AP1AR: variants seen among roughly 807,000 people sequenced by gnomAD.
AP1AR encodes AP-1 complex-associated regulatory protein.
AP1AR carries 29 observed loss-of-function variants against 46.3 expected under a neutral mutation model. The ratio of observed to expected loss-of-function variants is 0.63; its 90% CI spans 0.47 to 0.85. The LOEUF (loss-of-function observed/expected upper bound fraction) is 0.85, where lower values mean the gene tolerates loss of function less well. AP1AR is among the 40% of genes least tolerant of loss of function. The probability of loss-of-function intolerance (pLI) is 0.00; values close to 1 mark genes in which losing one functional copy is unlikely to be tolerated. For missense variants in AP1AR, 357 were observed against 356.3 expected, an observed-to-expected ratio of 1.00 and a Z score of -0.02; for synonymous variants, 122 against 122.9, an observed-to-expected ratio of 0.99 and a Z score of 0.05.
chr4:112,268,160 T>A lies in AP1AR; in HGVS notation c.660T>A (p.Leu220=). Reference sequence around the variant, plus strand: ...AAATCATAGGAATGAATAGAATGCTTCCAATGAGAGAACGTTCCAAAACAG... The same window carrying A: ...AAATCATAGGAATGAATAGAATGCTACCAATGAGAGAACGTTCCAAAACAG... ...WEDEEGMNRM[L]PMRERSKTEE... is the part of the protein sequence containing the mutation. Residue 220 remains leucine, a synonymous_variant, in exon 10 of 10, where the codon CTT becomes CTA. Transcript: ENST00000274000. 1 of 1,575,110 alleles carries A rather than the reference T, an allele frequency of 6.3e-7. No homozygotes were observed. The highest frequency in any genetic ancestry group is 8.6e-7 in the Non-Finnish European group (1 of 1,161,568).
At chr4:112,240,235 T>C (rs1725428913) in intron 1 of AP1AR, among the ~76,000 whole-genome samples, 1 of 152,220 alleles carries the variant, frequency 6.6e-6, no homozygotes, top group African/African-American at 2.4e-5. Flanking sequence ...TGTCACACTT[T>C]TCCTTGAATC....
chr4:112,245,561 C>T (rs1725693915), intron 1 of AP1AR, among the ~76,000 whole-genome samples: 1 of 152,196 alleles, frequency 6.6e-6, no homozygotes, highest in Non-Finnish European at 1.5e-5. Flanking sequence ...TTCAGACTAG[C>T]CACATTTCAG....
In AP1AR at chr4:112,232,080, G is replaced by C; in HGVS notation, c.-12G>C. On this transcript the variant is annotated 5_prime_UTR_variant, in exon 1 of 10. Transcript: ENST00000274000. ...AGGAGGAGGAGGAGCGGCGGCGCCT[G>C]GGCGGCATGCGATGGGGAACTGCTG... The C allele has an allele frequency of 7.4e-7, 1 of 1,351,854 alleles. No individual in the cohort carries two copies. Among genetic ancestry groups the C allele is most frequent in the Non-Finnish European group, 9.6e-7 (1 of 1,043,744 alleles). 83.7% of individuals were successfully genotyped at this position (1,351,854 alleles called of 1,614,324 possible). A position where few individuals can be genotyped will look rare whatever the true frequency, so the allele number is the denominator to read the frequency against.
chr4:112,256,077 A>G (rs574638470), intron 3 of AP1AR, among the ~76,000 whole-genome samples: 13 of 152,162 alleles, frequency 8.5e-5, no homozygotes, highest in Non-Finnish European at 1.6e-4. Context: ...GAGTATGTAT[A>G]GAATACTAGT....
At chr4:112,244,495 A>G (rs966244586) in intron 1 of AP1AR, among the ~76,000 whole-genome samples, 1 of 152,168 alleles carries the variant, frequency 6.6e-6, no homozygotes, top group Non-Finnish European at 1.5e-5. Flanking sequence ...TTTAAAAGGC[A>G]ATTGTTTCAT....
intron 6 of AP1AR, 125 bp downstream of exon 6, chr4:112,263,211 C>A: frequency 1.5e-6 from 1 of 663,586 alleles, no homozygotes; most frequent in Non-Finnish European, 2.5e-6. Context: ...AATGTGTTTA[C>A]CCATATATTC....
chr4:112,255,217 CCAAAGT>C (rs1221848755), intron 3 of AP1AR, among the ~76,000 whole-genome samples: 1 of 152,162 alleles, frequency 6.6e-6, no homozygotes, highest in Non-Finnish European at 1.5e-5. Context: ...CCTCGGCCTC[CCAAAGT>C]GCTGGGATTT....
At chr4:112,232,735 A>C (rs912937006) in intron 1 of AP1AR, among the ~76,000 whole-genome samples, 10 of 152,210 alleles carry the variant, frequency 6.6e-5, no homozygotes, top group African/African-American at 1.9e-4. Flanking sequence ...ATGGGCATTC[A>C]GATTCTTGGT....
At chr4:112,233,076 AGTTT>A (rs1239631227) in intron 1 of AP1AR, among the ~76,000 whole-genome samples, 1 of 152,244 alleles carries the variant, frequency 6.6e-6, no homozygotes, top group Non-Finnish European at 1.5e-5. Context: ...GAACCAAGCC[AGTTT>A]GTGTAAGGAC....
Position 112,271,468 on chromosome 4 carries a change from C to G in AP1AR, c.*3059C>G, listed in dbSNP as rs969295944. On this transcript the variant is annotated 3_prime_UTR_variant, in exon 10 of 10. Coordinates refer to ENST00000274000, the MANE Select transcript of AP1AR (RefSeq NM_018569.6). ...GGTTCAGTGTCATCCAGGGATGTCC[C>G]TAAGGACCAGGTATACAGGGAGCTG... 6.6e-6 allele frequency among the ~76,000 whole-genome samples: 1 copy of G among 152,202 alleles called. No individual in the cohort carries two copies. Among genetic ancestry groups the G allele is most frequent in the African/African-American group, 2.4e-5 (1 of 41,434 alleles).
At chr4:112,266,811 T>G in intron 9 of AP1AR, 95 bp downstream of exon 9, 1 of 1,198,036 alleles carries the variant, frequency 8.3e-7, no homozygotes, top group Non-Finnish European at 1.1e-6. Context: ...TGGAAATAAA[T>G]TCAAGGCCTT....
At chr4:112,250,256 A>G (rs529451353) in intron 1 of AP1AR, among the ~76,000 whole-genome samples, 1 of 152,376 alleles carries the variant, frequency 6.6e-6, no homozygotes, top group South Asian at 2.1e-4. Context: ...TATAGGAAAC[A>G]TTGTAAAAGG....
chr4:112,263,940 C>A (rs1578421512), intron 6 of AP1AR, among the ~76,000 whole-genome samples: 1 of 152,260 alleles, frequency 6.6e-6, no homozygotes, highest in Admixed American at 6.5e-5. Context: ...TGTTTGGATT[C>A]ACCTCTGTAG....
chr4:112,255,376 C>A (rs1025220719), intron 3 of AP1AR, among the ~76,000 whole-genome samples: 2 of 152,170 alleles, frequency 1.3e-5, no homozygotes, highest in Non-Finnish European at 2.9e-5. Flanking sequence ...AACCTCTTGC[C>A]ATTAAGTAGG....
intron 1 of AP1AR, among the ~76,000 whole-genome samples, chr4:112,249,151 G>A (rs1054033139): frequency 2.4e-4 from 37 of 152,148 alleles, no homozygotes; most frequent in African/African-American, 8.4e-4. Context: ...AAAATTAGCG[G>A]GGCGTGGTGG....
Position 112,237,879 on chromosome 4 carries a change from AAAT to A in AP1AR, c.83+5710_83+5712del, listed in dbSNP as rs1725322004. On this transcript the variant is annotated intron_variant, in intron 1 of 9. Coordinates refer to ENST00000274000, the MANE Select transcript of AP1AR (RefSeq NM_018569.6). ...CTGAAACCATATTATCTCCCTGAGGAAATAATATTTTCTACAGGCTTATTTTTG... is the reference window on the plus strand; with the variant it reads ...CTGAAACCATATTATCTCCCTGAGGAAATATTTTCTACAGGCTTATTTTTG... 2.6e-5 allele frequency among the ~76,000 whole-genome samples: 4 copies of A among 152,152 alleles called. No homozygotes were observed. The South Asian group carries it at 8.3e-4, about 31-fold the overall frequency.
Position 112,231,888 on chromosome 4 carries a change from G to A in AP1AR, c.-204G>A. The A allele has an allele frequency of 2.4e-6, 1 of 411,638 alleles. No homozygotes were observed. The highest frequency in any genetic ancestry group is 4.2e-6 in the Non-Finnish European group (1 of 237,616). The allele number at this position is 411,638 out of a possible 1,614,324, so 25.5% of individuals were successfully genotyped here. A position where few individuals can be genotyped will look rare whatever the true frequency, so the allele number is the denominator to read the frequency against. On this transcript the variant is annotated 5_prime_UTR_variant, in exon 1 of 10. Coordinates refer to ENST00000274000, the MANE Select transcript of AP1AR (RefSeq NM_018569.6). The stretch of plus-strand genomic sequence containing the variant: ...TCCTCCCTCGCGCAGCGGTGGCTCT[G>A]CGGCCGCTGGAGTAAACACTGCCTT...
chr4:112,254,897 T>C lies in AP1AR; in HGVS notation c.159+124T>C, dbSNP rs28535046. ...TTTAGAATTTTTATTTTCTGGTTTT[T>C]ATTTTTACTTTTTAGTTCTTTATTA... On this transcript the variant is annotated intron_variant, in intron 3 of 9. Coordinates refer to ENST00000274000, the MANE Select transcript of AP1AR (RefSeq NM_018569.6). The C allele has an allele frequency of 1.2e-5, 6 of 484,500 alleles. No homozygotes were observed. In the South Asian group the frequency reaches 3.4e-4, roughly 28 times the overall value. The allele number at this position is 484,500 out of a possible 1,614,324, so 30.0% of individuals were successfully genotyped here.
intron 1 of AP1AR, among the ~76,000 whole-genome samples, chr4:112,248,363 C>G (rs917858302): frequency 1.3e-5 from 2 of 151,936 alleles, no homozygotes; most frequent in African/African-American, 4.8e-5. Flanking sequence ...ATAGATTGGA[C>G]TACACATTAG....
Sources: gnomAD v4.1 joint callset for allele counts (sites outside exome capture counted in the v4.1 genomes callset) on GRCh38, gnomAD v4.1.1 for gene constraint, MANE v1.5 for transcripts, NCBI Gene and HGNC (gene_info 2026-07-23, HGNC 2026-07-21) for gene names.